The following INO80 variants were observed in gnomAD, a reference collection of about 807,000 sequenced individuals.
INO80 encodes the protein INO80 complex ATPase subunit.
Under a neutral mutation model 203.4 loss-of-function variants are expected in INO80, and 20 were observed. The observed-to-expected ratio is 0.10, with a 90% CI of 0.07 to 0.14. The LOEUF (loss-of-function observed/expected upper bound fraction) is 0.14. INO80 is among the 10% of genes least tolerant of loss of function. The pLI is 1.00. For missense variants in INO80, 1,419 were observed against 1,914.4 expected, an observed-to-expected ratio of 0.74 and a Z score of 4.83; for synonymous variants, 726 against 685.2, an observed-to-expected ratio of 1.06 and a Z score of -0.93.
intron 24 of INO80, among the ~76,000 whole-genome samples, chr15:41,028,453 T>C (rs2044410437): frequency 6.6e-6 from 1 of 152,212 alleles, no homozygotes; most frequent in Non-Finnish European, 1.5e-5. Context: ...TCTAAATTTT[T>C]CTTTAAGGCA....
intron 1 of INO80, among the ~76,000 whole-genome samples, chr15:41,114,957 G>A (rs541741201): frequency 1.3e-4 from 20 of 152,224 alleles, no homozygotes; most frequent in Admixed American, 1.2e-3. Flanking sequence ...GATGGCTACA[G>A]AATTTAATAA....
At chr15:41,008,106 T>C (rs1010804269) in intron 27 of INO80, among the ~76,000 whole-genome samples, 1 of 152,038 alleles carries the variant, frequency 6.6e-6, no homozygotes, top group African/African-American at 2.4e-5. Flanking sequence ...CCCAGGGAGT[T>C]TGAGGCTGCA....
intron 14 of INO80, among the ~76,000 whole-genome samples, chr15:41,067,909 A>T (rs1016290970): frequency 1.3e-5 from 2 of 152,206 alleles, no homozygotes; most frequent in African/African-American, 4.8e-5. Context: ...GCAAACAATA[A>T]ATCCTATTCA....
intron 7 of INO80, among the ~76,000 whole-genome samples, chr15:41,084,918 G>A (rs1012319844): frequency 6.6e-6 from 1 of 152,098 alleles, no homozygotes; most frequent in African/African-American, 2.4e-5. Context: ...TGTAGTTTTT[G>A]GAGAGATGGG....
chr15:41,054,921 A>AGCC (rs2044955683), intron 18 of INO80, among the ~76,000 whole-genome samples: 1 of 152,194 alleles, frequency 6.6e-6, no homozygotes. Context: ...TACAGATGTG[A>AGCC]GCCACCATGC....
intron 5 of INO80, among the ~76,000 whole-genome samples, chr15:41,088,854 A>G (rs1434959342): frequency 6.6e-6 from 1 of 152,154 alleles, no homozygotes; most frequent in East Asian, 1.9e-4. Context: ...TAACTTTCCT[A>G]TATGTATGTT....
intron 24 of INO80, among the ~76,000 whole-genome samples, chr15:41,038,011 C>CTTTTTTTTTTTTT (rs748525965): frequency 1.1e-5 from 1 of 89,794 alleles, no homozygotes; most frequent in Non-Finnish European, 2.1e-5. Flanking sequence ...CTTCCCTTTT[C>CTTTTTTTTTTTTT]TTTTTTTTTT....
At chr15:40,998,301 G>A (rs757842509) in intron 28 of INO80, among the ~76,000 whole-genome samples, 22 of 151,918 alleles carry the variant, frequency 1.4e-4, no homozygotes, top group Non-Finnish European at 2.4e-4. Flanking sequence ...GATTATAGAC[G>A]CGAGCCACCG....
At chr15:41,025,646 C>T (rs900405971) in intron 25 of INO80, among the ~76,000 whole-genome samples, 9 of 152,040 alleles carry the variant, frequency 5.9e-5, no homozygotes, top group Admixed American at 2.0e-4. Flanking sequence ...ACCTGGGAGG[C>T]GAAGGCTGCA....
chr15:41,017,508 C>T (rs1483530084), intron 26 of INO80: 2 of 152,242 alleles, frequency 1.3e-5, no homozygotes, highest in Non-Finnish European at 2.9e-5. Context: ...GGCTTTTCTT[C>T]AGAACCACAG....
intron 27 of INO80, among the ~76,000 whole-genome samples, chr15:41,007,344 G>C (rs1041130512): frequency 2.0e-5 from 3 of 151,654 alleles, no homozygotes; most frequent in African/African-American, 7.3e-5. Flanking sequence ...CACCACACCT[G>C]GCTAATTTTT....
At chr15:40,994,259 C>A (rs1203691869) in intron 29 of INO80, among the ~76,000 whole-genome samples, 1 of 152,162 alleles carries the variant, frequency 6.6e-6, no homozygotes, top group African/African-American at 2.4e-5. Flanking sequence ...CAAATGTCAC[C>A]TTATCAGAGA....
Position 40,990,316 on chromosome 15 carries a change from T to C in INO80, c.3571-2342A>G, listed in dbSNP as rs182448415. 2.1e-3 allele frequency among the ~76,000 whole-genome samples: 324 copies of C among 152,320 alleles called. 4 individuals are homozygous for C. Among genetic ancestry groups the C allele is most frequent in the Non-Finnish European group, 2.4e-3 (160 of 68,028 alleles). On this transcript the variant is annotated intron_variant, in intron 29 of 35. Transcript: ENST00000648947. ...CTTCTATGGTGTCAATTATTTCATG[T>C]GTACTATTTGAAAGAGTGAGTCATC...
Position 41,005,616 on chromosome 15 carries a change from G to A in INO80, c.3474C>T (p.Asp1158=). ...ACCTGTTCTGAAAATCAGCAACCATGTCTCGCCTCTCCGAGATCTTGGATG... is the reference window on the plus strand; with the variant it reads ...ACCTGTTCTGAAAATCAGCAACCATATCTCGCCTCTCCGAGATCTTGGATG... ...DGSSKISERR[D]MVADFQNRND... The change falls in exon 28 of 36, where the codon GAC becomes GAT. Residue 1158 remains aspartate (D), a synonymous_variant. Transcript: ENST00000648947. The A allele has an allele frequency of 6.2e-7, 1 of 1,602,508 alleles. No homozygotes were observed. Among genetic ancestry groups the A allele is most frequent in the Non-Finnish European group, 8.5e-7 (1 of 1,170,592 alleles).
rs1178934894 is a variant in INO80, at chr15:41,085,548, C to T, written c.694G>A (p.Asp232Asn). ...GATTCTTCAGAGGAAAGTTCTTCAT[C>T]TCTTCGTCTTTTTTTCTTCACTTTT... is the stretch of plus-strand genomic sequence containing the variant. ...LKKVKKKRRRDEELSSEESPR... is the reference protein window; with the variant it reads ...LKKVKKKRRRNEELSSEESPR... Residue 232 changes from aspartate (D) to asparagine (N), a missense_variant, in exon 7 of 36, where the codon GAT becomes AAT. Physicochemically the swap from Asp to Asn is conservative, Grantham distance 23. This residue lies in a region of INO80 where 323 missense variants were observed against 325.4 expected (regional missense o/e 0.99). Transcript: ENST00000648947. The T allele has an allele frequency of 6.2e-7, 1 of 1,614,120 alleles. No individual in the cohort carries two copies. Among genetic ancestry groups the T allele is most frequent in the South Asian group, 1.1e-5 (1 of 91,080 alleles).
At position 41,044,848 on chromosome 15, in the gene INO80, C is replaced by G; in HGVS notation, c.2907+56G>C. 5 of 1,493,796 alleles carry G rather than the reference C, an allele frequency of 3.3e-6. No homozygotes were observed. In the South Asian group the frequency reaches 5.5e-5, roughly 16 times the overall value. 92.5% of individuals were successfully genotyped at this position (1,493,796 alleles called of 1,614,324 possible). A position where few individuals can be genotyped will look rare whatever the true frequency, so the allele number is the denominator to read the frequency against. On this transcript the variant is annotated intron_variant, in intron 24 of 35. Coordinates refer to ENST00000648947, the MANE Select transcript of INO80 (RefSeq NM_017553.3). The stretch of plus-strand genomic sequence containing the variant: ...TACTTTACTATTATTTTTACTTATT[C>G]AAGGAAAAGGAAAGAAGATACTAAG...
Position 41,051,751 on chromosome 15 carries a change from G to A in INO80, c.2275-1649C>T, listed in dbSNP as rs192184919. ...GGGTGGATCACGAAGTCAAGAGATC[G>A]AGACCATCCTGGCCAACCAACATGG... On this transcript the variant is annotated intron_variant, in intron 19 of 35. Transcript: ENST00000648947. 5.3e-5 allele frequency among the ~76,000 whole-genome samples: 8 copies of A among 152,178 alleles called. No individual in the cohort carries two copies. In the East Asian group the frequency reaches 5.8e-4, roughly 11 times the overall value.
In INO80 at chr15:41,062,039, G is replaced by A. The variant is rs1422351633; in HGVS notation, c.1783-2113C>T. On this transcript the variant is annotated intron_variant, in intron 14 of 35. Coordinates refer to ENST00000648947, the MANE Select transcript of INO80 (RefSeq NM_017553.3). ...GAAAAATTTCAGCCAAATGGAAGCAGAAATATGCAGGAAGAAATGAAGATT... is the reference window on the plus strand; with the variant it reads ...GAAAAATTTCAGCCAAATGGAAGCAAAAATATGCAGGAAGAAATGAAGATT... Among the ~76,000 whole-genome samples the A allele has an allele frequency of 2.0e-5, 3 of 151,968 alleles. No individual in the cohort carries two copies. The East Asian group carries it at 5.8e-4, about 29-fold the overall frequency.
In INO80 at chr15:40,984,324, T is replaced by C; in HGVS notation, c.3950A>G (p.Lys1317Arg). ...KKKKEDELDG[K>R]RRKEGVNLVI... The stretch of plus-strand genomic sequence containing the variant: ...CAGGTTCACACCCTCTTTTCTCCTT[T>C]TCCCATCCAATTCATCTTCTTTTTT... The change falls in exon 33 of 36, where the codon AAA (lysine) becomes AGA (arginine). Residue 1317 changes from lysine to arginine, a missense_variant. Lys to Arg is a conservative substitution (Grantham distance 26). Transcript: ENST00000648947. The C allele has an allele frequency of 1.2e-6, 2 of 1,614,144 alleles. No homozygotes were observed. The highest frequency in any genetic ancestry group is 1.7e-6 in the Non-Finnish European group (2 of 1,179,982).
Sources: allele counts gnomAD v4.1 joint callset (sites outside exome capture counted in the v4.1 genomes callset), GRCh38; gene constraint gnomAD v4.1.1; regional missense constraint gnomAD v4.1.1; transcripts MANE v1.5; gene names NCBI Gene and HGNC (gene_info 2026-07-23, HGNC 2026-07-21).